NRAP: variants seen among roughly 807,000 people sequenced by gnomAD.
NRAP encodes nebulin related anchoring protein.
NRAP carries 189 observed loss-of-function variants against 225.9 expected under a neutral mutation model. The ratio of observed to expected loss-of-function variants is 0.84; its 90% CI spans 0.74 to 0.94. The LOEUF (loss-of-function observed/expected upper bound fraction) is 0.94. NRAP is among the 40% of genes least tolerant of loss of function. The pLI, the probability that NRAP is intolerant of heterozygous loss-of-function variation, is 0.00. For synonymous variants in NRAP, 769 were observed against 790.7 expected (o/e 0.97, Z 0.46); for missense variants, 2,176 against 2,168.7 (o/e 1.00, Z -0.07).
intron 41 of NRAP, 98 bp downstream of exon 41, chr10:113,589,568 C>T: frequency 7.0e-7 from 1 of 1,438,238 alleles, no homozygotes; most frequent in Non-Finnish European, 9.4e-7. Context: ...TTAGAGCTAG[C>T]TGACCTTTGG....
intron 39 of NRAP, 101 bp from the exon 40 acceptor site, chr10:113,590,990 A>C (rs1218207909): frequency 5.3e-6 from 5 of 952,094 alleles, no homozygotes; most frequent in Middle Eastern, 2.5e-4. Flanking sequence ...AGGAGGCTCA[A>C]GAGTGGGTTA....
In NRAP at chr10:113,662,689, G is replaced by A. The variant is rs115585400; in HGVS notation, c.245C>T (p.Ala82Val). 2.7e-3 allele frequency: 4,139 copies of A among 1,555,126 alleles called. 92 individuals are homozygous for A. In the African/African-American group the frequency reaches 0.046, roughly 17 times the overall value. ...LNLNVRTFPE[A>V]ISGIHDQEDG... ...AATTAAATAACTTACCCCACTGATGGCCTCTGGAAATGTCCTCACATTTAG... is the reference window on the plus strand; with the variant it reads ...AATTAAATAACTTACCCCACTGATGACCTCTGGAAATGTCCTCACATTTAG... Residue 82 changes from alanine (A) to valine (V), a missense_variant, in exon 3 of 42, where the codon GCC becomes GTC. Ala to Val is a moderately conservative substitution (Grantham distance 64). Around this residue, in one of 3 missense-constraint regions of NRAP, gnomAD observed 1,708 missense variants for 1,695.5 expected, o/e 1.01. Coordinates refer to ENST00000359988, the MANE Select transcript of NRAP (RefSeq NM_198060.4).
At position 113,663,966 on chromosome 10, in the gene NRAP, A is replaced by T. The variant is rs1850861685; in HGVS notation, c.-84T>A. On this transcript the variant is annotated 5_prime_UTR_variant, in exon 1 of 42. Transcript: ENST00000359988. ...CCCCAGTCTAGTTCAAGTCTTCAAA[A>T]TCCGACGACCATAAAATTCCTGTGG... 1.9e-6 allele frequency: 2 copies of T among 1,036,434 alleles called. No homozygotes were observed. Among genetic ancestry groups the T allele is most frequent in the Non-Finnish European group, 3.0e-6 (2 of 663,110 alleles). 64.2% of individuals were successfully genotyped at this position (1,036,434 alleles called of 1,614,324 possible). A position where few individuals can be genotyped will look rare whatever the true frequency, so the allele number is the denominator to read the frequency against.
chr10:113,633,046 A>C (rs1349619774), intron 16 of NRAP, 38 bp downstream of exon 16: 2 of 1,040,894 alleles, frequency 1.9e-6, no homozygotes, highest in African/African-American at 3.1e-5. Context: ...ACATCGCTCT[A>C]TAACCCCCTC....
Position 113,624,315 on chromosome 10 carries a change from T to G in NRAP, c.2349+511A>C, listed in dbSNP as rs184612485. Among the ~76,000 whole-genome samples the G allele has an allele frequency of 4.3e-4, 66 of 152,324 alleles. 1 individual carries two copies. The highest frequency in any genetic ancestry group is 4.3e-3 in the Admixed American group (66 of 15,306). On this transcript the variant is annotated intron_variant, in intron 22 of 41. Coordinates refer to ENST00000359988, the MANE Select transcript of NRAP (RefSeq NM_198060.4). Reference sequence around the variant, plus strand: ...TTGGAACTATGGATGCTTTCATGACTAACAGCTACCACTGTGCACTTGCCT... The same window carrying G: ...TTGGAACTATGGATGCTTTCATGACGAACAGCTACCACTGTGCACTTGCCT...
Position 113,588,891 on chromosome 10 carries a change from C to T in NRAP, c.*84G>A. 9.8e-7 allele frequency: 1 copy of T among 1,020,378 alleles called. No homozygotes were observed. The highest frequency in any genetic ancestry group is 1.5e-6 in the Non-Finnish European group (1 of 655,520). 63.2% of individuals were successfully genotyped at this position (1,020,378 alleles called of 1,614,324 possible). ...GGGATGGGCTGGTGGGCCATTCCAG[C>T]TTGCCGAAATCAAAGCCATCTGAAG... On this transcript the variant is annotated 3_prime_UTR_variant, in exon 42 of 42. Coordinates refer to ENST00000359988, the MANE Select transcript of NRAP (RefSeq NM_198060.4).
intron 27 of NRAP, among the ~76,000 whole-genome samples, chr10:113,615,333 G>A (rs146520473): frequency 2.0e-5 from 3 of 152,310 alleles, no homozygotes; most frequent in Non-Finnish European, 4.4e-5. Flanking sequence ...TGGTGGGCAG[G>A]GGAGCTGACA....
intron 5 of NRAP, 26 bp from the exon 6 acceptor site, chr10:113,653,065 T>C: frequency 1.6e-6 from 2 of 1,261,544 alleles, no homozygotes; most frequent in South Asian, 2.6e-5. Flanking sequence ...AATGTCAGCA[T>C]GAGAACTGAG....
chr10:113,629,273 G>A (rs61864982), intron 19 of NRAP, among the ~76,000 whole-genome samples: 2 of 147,358 alleles, frequency 1.4e-5, no homozygotes, highest in Admixed American at 1.4e-4. Context: ...CATATTTGTT[G>A]ACCAAGGGCC....
chr10:113,652,090 G>A (rs575810147), intron 6 of NRAP, among the ~76,000 whole-genome samples, 183 bp from the exon 7 acceptor site: 1 of 152,278 alleles, frequency 6.6e-6, no homozygotes, highest in East Asian at 1.9e-4. Flanking sequence ...GCTAAGTCCA[G>A]GAGTGTGCCA....
At chr10:113,606,345 T>C in intron 32 of NRAP, 63 bp from the exon 33 acceptor site, 1 of 1,023,234 alleles carries the variant, frequency 9.8e-7, no homozygotes, top group South Asian at 1.3e-5. Context: ...TCTGCAGTGC[T>C]GGAAGTCCCT....
At chr10:113,620,823 C>T (rs1847944504) in intron 24 of NRAP, 115 bp from the exon 25 acceptor site, 5 of 722,420 alleles carry the variant, frequency 6.9e-6, no homozygotes, top group East Asian at 2.5e-5. Context: ...AAATTAGATG[C>T]CACTTTTGTC....
In NRAP at chr10:113,622,000, G is replaced by T. The variant is rs1288796574; in HGVS notation, c.2638C>A (p.Leu880Ile). Reference sequence around the variant, plus strand: ...TGCTGAGCTTTGCGGGCATGCACGAGGTGGACCATGTCCAGGGAGACGTGG... The same window carrying T: ...TGCTGAGCTTTGCGGGCATGCACGATGTGGACCATGTCCAGGGAGACGTGG... ...QCHVSLDMVHLVHARKAQHLA... is the reference protein window; with the variant it reads ...QCHVSLDMVHIVHARKAQHLA... Residue 880 changes from leucine (L) to isoleucine (I), a missense_variant, in exon 24 of 42, where the codon CTC becomes ATC. Physicochemically the swap from Leu to Ile is conservative, Grantham distance 5. Around this residue, in one of 3 missense-constraint regions of NRAP, gnomAD observed 1,708 missense variants for 1,695.5 expected, o/e 1.01. Coordinates refer to ENST00000359988, the MANE Select transcript of NRAP (RefSeq NM_198060.4). 1 of 1,614,212 alleles carries T rather than the reference G, an allele frequency of 6.2e-7. No individual in the cohort carries two copies. The highest frequency in any genetic ancestry group is 2.2e-5 in the East Asian group (1 of 44,884).
At chr10:113,603,682 C>T (rs1379686006) in intron 35 of NRAP, among the ~76,000 whole-genome samples, 1 of 152,176 alleles carries the variant, frequency 6.6e-6, no homozygotes, top group Non-Finnish European at 1.5e-5. Context: ...ACTCACTCGG[C>T]CTCAAACAGG....
Position 113,621,982 on chromosome 10 carries a change from C to A in NRAP, c.2656G>T (p.Ala886Ser). 1 of 1,614,208 alleles carries A rather than the reference C, an allele frequency of 6.2e-7. No individual in the cohort carries two copies. Among genetic ancestry groups the A allele is most frequent in the Non-Finnish European group, 8.5e-7 (1 of 1,180,044 alleles). The change falls in exon 24 of 42, where the codon GCT (alanine) becomes TCT (serine). Residue 886 changes from alanine to serine, a missense_variant. Physicochemically the swap from Ala to Ser is moderately conservative, Grantham distance 99 (BLOSUM62 1). Transcript: ENST00000359988. ...DMVHLVHARK[A>S]QHLATDVGYK... is the part of the protein sequence containing the mutation. Reference sequence around the variant, plus strand: ...CCTACGTCTGTGGCTAAATGCTGAGCTTTGCGGGCATGCACGAGGTGGACC... The same window carrying A: ...CCTACGTCTGTGGCTAAATGCTGAGATTTGCGGGCATGCACGAGGTGGACC...
At chr10:113,601,859 C>T (rs181728005) in intron 35 of NRAP, among the ~76,000 whole-genome samples, 19 of 152,230 alleles carry the variant, frequency 1.2e-4, no homozygotes, top group African/African-American at 3.6e-4. Flanking sequence ...TGGATCAAAT[C>T]GAACCTCTTT....
chr10:113,650,694 C>T (rs1171808789), intron 7 of NRAP, 149 bp from the exon 8 acceptor site: 1 of 642,704 alleles, frequency 1.6e-6, no homozygotes, highest in Non-Finnish European at 2.8e-6. Flanking sequence ...GGGCCATGTG[C>T]ATCTTATTCA....
At chr10:113,638,660 C>T (rs1849018201) in intron 14 of NRAP, among the ~76,000 whole-genome samples, 1 of 152,188 alleles carries the variant, frequency 6.6e-6, no homozygotes, top group African/African-American at 2.4e-5. Context: ...GGAACTAGGG[C>T]AGAATGTCTC....
intron 35 of NRAP, among the ~76,000 whole-genome samples, chr10:113,600,204 C>T (rs910970378): frequency 1.6e-5 from 2 of 126,440 alleles, no homozygotes; most frequent in Admixed American, 7.6e-5. Flanking sequence ...TGGGGTCTCT[C>T]TTGTTACCCA....
Sources: gnomAD v4.1 joint callset for allele counts (sites outside exome capture counted in the v4.1 genomes callset) on GRCh38, gnomAD v4.1.1 for gene constraint, gnomAD v4.1.1 regional missense constraint, MANE v1.5 for transcripts, NCBI Gene and HGNC (gene_info 2026-07-23, HGNC 2026-07-21) for gene names.